Variants in MYT1L observed in about 807,000 individuals in gnomAD.
MYT1L encodes the protein myelin transcription factor 1 like.
Under a neutral mutation model 126.7 loss-of-function variants are expected in MYT1L, and 12 were observed. The ratio of observed to expected loss-of-function variants is 0.09; its 90% confidence interval spans 0.06 to 0.15. The LOEUF is 0.15. Ranked by LOEUF, MYT1L falls within the 10% of genes least tolerant of loss-of-function variation. The probability of loss-of-function intolerance (pLI) is 1.00; values close to 1 mark genes in which losing one functional copy is unlikely to be tolerated. For missense variants in MYT1L, 979 were observed against 1,585.2 expected, an observed-to-expected ratio of 0.62 and a Z score of 6.49; for synonymous variants, 541 against 604.2, an observed-to-expected ratio of 0.90 and a Z score of 1.53.
chr2:2,263,980 G>C (rs1352354113), intron 2 of MYT1L, among the ~76,000 whole-genome samples: 1 of 152,078 alleles, frequency 6.6e-6, no homozygotes, highest in Non-Finnish European at 1.5e-5. Flanking sequence ...ATAAAGAATG[G>C]ACCGCTAATA....
rs116570715 is a variant in MYT1L, at chr2:1,820,796, G to A, written c.3081-11629C>T. On this transcript the variant is annotated intron_variant, in intron 21 of 24. Coordinates refer to ENST00000647738, the MANE Select transcript of MYT1L (RefSeq NM_001303052.2). ...TCTTGGGCTCAAGTGATCCTCCTGC[G>A]TCCTCCTCCCTAAATACTGGGATTA... is the stretch of plus-strand genomic sequence containing the variant. 3.2e-3 allele frequency among the ~76,000 whole-genome samples: 489 copies of A among 152,084 alleles called. 1 individual carries two copies. Among genetic ancestry groups the A allele is most frequent in the African/African-American group, 0.011 (444 of 41,482 alleles).
intron 3 of MYT1L, among the ~76,000 whole-genome samples, chr2:2,153,963 G>A (rs920573367): frequency 6.6e-6 from 1 of 152,160 alleles, no homozygotes; most frequent in Admixed American, 6.5e-5. Flanking sequence ...AGAGGGACAA[G>A]GCCAGACAGG....
chr2:1,802,561 C>T (rs138668558), intron 22 of MYT1L, among the ~76,000 whole-genome samples: 190 of 152,318 alleles, frequency 1.2e-3, no homozygotes, highest in Middle Eastern at 3.4e-3. Context: ...TGTACCTGAC[C>T]ATCTGAGTGT....
At chr2:1,904,929 G>A (rs905637124) in intron 13 of MYT1L, among the ~76,000 whole-genome samples, 5 of 151,838 alleles carry the variant, frequency 3.3e-5, no homozygotes, top group African/African-American at 1.2e-4. Flanking sequence ...GAGTAGCTGG[G>A]ACTACAGGCA....
chr2:1,926,655 T>C (rs7589439), intron 9 of MYT1L, among the ~76,000 whole-genome samples: 24,278 of 152,228 alleles, frequency 0.16, 2,076 homozygotes, highest in East Asian at 0.32. Flanking sequence ...CTTTGCTTCC[T>C]GGGTTCAAGC....
At chr2:2,044,471 T>C (rs966807106) in intron 4 of MYT1L, among the ~76,000 whole-genome samples, 7 of 152,128 alleles carry the variant, frequency 4.6e-5, no homozygotes, top group Non-Finnish European at 8.8e-5. Context: ...CTGATCGTGG[T>C]ACAATGGGAC....
At chr2:1,823,354 T>C (rs1462982043) in intron 21 of MYT1L, among the ~76,000 whole-genome samples, 1 of 152,176 alleles carries the variant, frequency 6.6e-6, no homozygotes, top group Non-Finnish European at 1.5e-5. Context: ...TTGTCATAGA[T>C]ATAGCTGTGG....
intron 9 of MYT1L, among the ~76,000 whole-genome samples, chr2:1,925,397 T>C (rs1238500452): frequency 6.6e-6 from 1 of 152,228 alleles, no homozygotes; most frequent in Non-Finnish European, 1.5e-5. Flanking sequence ...AAATGTGTTA[T>C]GTACAACATT....
chr2:2,131,905 CTTTT>C (rs58810405), intron 3 of MYT1L, among the ~76,000 whole-genome samples: 8 of 111,086 alleles, frequency 7.2e-5, no homozygotes, highest in African/African-American at 3.6e-5. Context: ...AGAGTTCATC[CTTTT>C]TTTTTTTTTT....
intron 3 of MYT1L, among the ~76,000 whole-genome samples, chr2:2,107,599 G>GTT (rs144097801): frequency 6.7e-6 from 1 of 149,842 alleles, no homozygotes; most frequent in Non-Finnish European, 1.5e-5. Context: ...TTTTTACGGA[G>GTT]TTTTTTTTTT....
intron 2 of MYT1L, among the ~76,000 whole-genome samples, chr2:2,192,092 C>G (rs1200695689): frequency 2.0e-5 from 3 of 152,174 alleles, no homozygotes; most frequent in African/African-American, 7.2e-5. Context: ...GGGCTGGGAG[C>G]TGGAATATTT....
chr2:2,147,895 T>G (rs1042497002), intron 3 of MYT1L, among the ~76,000 whole-genome samples: 1 of 152,188 alleles, frequency 6.6e-6, no homozygotes, highest in Non-Finnish European at 1.5e-5. Context: ...ATTTCCAATT[T>G]TGAATTTTAA....
chr2:1,994,256 C>T (rs528553279), intron 5 of MYT1L, among the ~76,000 whole-genome samples: 5 of 152,284 alleles, frequency 3.3e-5, no homozygotes, highest in Admixed American at 1.3e-4. Context: ...CAGGCTCAGC[C>T]CTGGTTCAGG....
chr2:1,940,855 T>C (rs942116222), intron 9 of MYT1L, among the ~76,000 whole-genome samples: 11 of 152,242 alleles, frequency 7.2e-5, no homozygotes, highest in Admixed American at 2.6e-4. Flanking sequence ...GCTGACCACA[T>C]GAGTGGTGGG....
intron 2 of MYT1L, among the ~76,000 whole-genome samples, chr2:2,254,630 T>C (rs1007693258): frequency 6.6e-6 from 1 of 152,228 alleles, no homozygotes; most frequent in Non-Finnish European, 1.5e-5. Flanking sequence ...TTATTAGTAC[T>C]TAGTATTTTG....
chr2:1,972,975 C>T (rs1006414655), intron 8 of MYT1L, among the ~76,000 whole-genome samples: 3 of 152,198 alleles, frequency 2.0e-5, no homozygotes, highest in Non-Finnish European at 4.4e-5. Context: ...TGTACAAAGA[C>T]TCTGATGCTA....
At chr2:2,145,742 T>C (rs1455582658) in intron 3 of MYT1L, among the ~76,000 whole-genome samples, 1 of 151,944 alleles carries the variant, frequency 6.6e-6, no homozygotes, top group African/African-American at 2.4e-5. Context: ...TTTAAAAAAA[T>C]TAAAAACTTT....
At chr2:2,253,441 C>T (rs1179818631) in intron 2 of MYT1L, among the ~76,000 whole-genome samples, 1 of 152,174 alleles carries the variant, frequency 6.6e-6, no homozygotes, top group Non-Finnish European at 1.5e-5. Flanking sequence ...TCAGTAATGG[C>T]GTGGCCCAGA....
At chr2:2,039,207 T>A (rs565946386) in intron 4 of MYT1L, among the ~76,000 whole-genome samples, 59 of 152,278 alleles carry the variant, frequency 3.9e-4, no homozygotes, top group African/African-American at 1.3e-3. Flanking sequence ...TATTGTGGTA[T>A]TTGACCCTCA....
Sources: gnomAD v4.1 joint callset for allele counts (sites outside exome capture counted in the v4.1 genomes callset) on GRCh38, gnomAD v4.1.1 for gene constraint, MANE v1.5 for transcripts, NCBI Gene and HGNC (gene_info 2026-07-23, HGNC 2026-07-21) for gene names.